The following CLEC16A variants were observed in gnomAD, a reference collection of about 807,000 sequenced individuals.
The protein encoded by CLEC16A is protein CLEC16A.
A neutral mutation model predicts 109.5 loss-of-function variants in CLEC16A; 51 were observed. The observed-to-expected ratio is 0.47, with a 90% CI of 0.37 to 0.59. The LOEUF (loss-of-function observed/expected upper bound fraction) is 0.59, where lower values mean the gene tolerates loss of function less well. CLEC16A is among the 20% of genes least tolerant of loss of function. CLEC16A has a pLI of 0.00. For synonymous variants in CLEC16A, 673 were observed against 564.2 expected, an observed-to-expected ratio of 1.19 and a Z score of -2.73; for missense variants, 1,339 against 1,394.0, an observed-to-expected ratio of 0.96 and a Z score of 0.63.
intron 19 of CLEC16A, among the ~76,000 whole-genome samples, chr16:11,081,799 C>T (rs537629921): frequency 3.9e-5 from 6 of 152,290 alleles, no homozygotes; most frequent in Admixed American, 1.3e-4. Context: ...CGCTGCAGAA[C>T]GCTAGTTCTT....
intron 3 of CLEC16A, among the ~76,000 whole-genome samples, chr16:10,968,716 T>C (rs2042633397): frequency 6.6e-6 from 1 of 152,092 alleles, no homozygotes; most frequent in African/African-American, 2.4e-5. Context: ...TATGCAATCA[T>C]GTTGCTATAT....
intron 19 of CLEC16A, among the ~76,000 whole-genome samples, chr16:11,071,619 A>G (rs1187767294): frequency 2.1e-5 from 3 of 139,782 alleles, no homozygotes; most frequent in African/African-American, 5.5e-5. Flanking sequence ...TTTTTTTTTT[A>G]AGAGATGGGA....
chr16:11,110,340 G>T (rs2051499206), intron 19 of CLEC16A, among the ~76,000 whole-genome samples: 2 of 152,230 alleles, frequency 1.3e-5, no homozygotes, highest in South Asian at 4.1e-4. Context: ...AAGAATGACA[G>T]GCACTGGGAT....
At chr16:11,084,850 G>A (rs933837207) in intron 19 of CLEC16A, among the ~76,000 whole-genome samples, 2 of 152,182 alleles carry the variant, frequency 1.3e-5, no homozygotes, top group African/African-American at 2.4e-5. Flanking sequence ...GAGGTAGCCG[G>A]GGCTGGGTGG....
intron 19 of CLEC16A, among the ~76,000 whole-genome samples, chr16:11,114,863 A>G (rs535345631): frequency 1.3e-5 from 2 of 152,200 alleles, no homozygotes; most frequent in African/African-American, 2.4e-5. Flanking sequence ...ATTTCTCCTT[A>G]ACTGCCCCAC....
intron 19 of CLEC16A, among the ~76,000 whole-genome samples, chr16:11,099,229 G>A (rs766646543): frequency 6.6e-6 from 1 of 152,204 alleles, no homozygotes; most frequent in Non-Finnish European, 1.5e-5. Context: ...ACGGCTCATC[G>A]GCAGACGTGG....
At chr16:11,087,887 G>A (rs2050096426) in intron 19 of CLEC16A, among the ~76,000 whole-genome samples, 1 of 152,222 alleles carries the variant, frequency 6.6e-6, no homozygotes, top group African/African-American at 2.4e-5. Flanking sequence ...CCAGTTTGAG[G>A]CAGGAAGTGT....
At chr16:10,958,300 G>T (rs1165603808) in intron 2 of CLEC16A, among the ~76,000 whole-genome samples, 2 of 152,166 alleles carry the variant, frequency 1.3e-5, no homozygotes, top group African/African-American at 4.8e-5. Flanking sequence ...CAGGCACAGG[G>T]CTGAGCTCCT....
chr16:11,003,327 G>T (rs201116708), intron 11 of CLEC16A, 22 bp downstream of exon 11: 2 of 1,593,522 alleles, frequency 1.3e-6, no homozygotes, highest in Non-Finnish European at 1.7e-6. Flanking sequence ...CATGAACGCC[G>T]CCCTGTGCCT....
intron 19 of CLEC16A, among the ~76,000 whole-genome samples, chr16:11,107,802 G>T (rs2051313512): frequency 6.6e-6 from 1 of 152,226 alleles, no homozygotes; most frequent in Non-Finnish European, 1.5e-5. Flanking sequence ...TTATGCCCCA[G>T]AATGGCTGCT....
intron 23 of CLEC16A, among the ~76,000 whole-genome samples, chr16:11,177,483 A>C (rs1257368295): frequency 6.6e-6 from 1 of 152,034 alleles, no homozygotes; most frequent in African/African-American, 2.4e-5. Context: ...GCCTGTAATC[A>C]CAGCTACTCG....
intron 22 of CLEC16A, among the ~76,000 whole-genome samples, chr16:11,127,180 GT>G (rs968160796): frequency 5.9e-5 from 9 of 152,232 alleles, no homozygotes; most frequent in Admixed American, 2.0e-4. Flanking sequence ...GCATATGTTT[GT>G]TTTTTACACA....
intron 19 of CLEC16A, among the ~76,000 whole-genome samples, chr16:11,086,091 A>G (rs1179552063): frequency 6.6e-6 from 1 of 152,204 alleles, no homozygotes; most frequent in Non-Finnish European, 1.5e-5. Context: ...TTGAAAGTGC[A>G]TTGTTACTGT....
intron 19 of CLEC16A, among the ~76,000 whole-genome samples, chr16:11,094,302 T>G (rs1430876944): frequency 6.6e-6 from 1 of 152,168 alleles, no homozygotes; most frequent in Non-Finnish European, 1.5e-5. Flanking sequence ...GAGGCTTGAC[T>G]CAGAAGCTCT....
chr16:11,179,966 C>G lies in CLEC16A; in HGVS notation c.*1276C>G, dbSNP rs1017794496. On this transcript the variant is annotated 3_prime_UTR_variant, in exon 24 of 24. Transcript: ENST00000409790. ...CAGCTCGGGAGCCAGACACAGCACTCACAGCCCAGGCCGTGATCCACCCTC... is the reference window on the plus strand; with the variant it reads ...CAGCTCGGGAGCCAGACACAGCACTGACAGCCCAGGCCGTGATCCACCCTC... 1 of 153,080 alleles carries G rather than the reference C, an allele frequency of 6.5e-6. No individual in the cohort carries two copies. The highest frequency in any genetic ancestry group is 1.5e-5 in the Non-Finnish European group (1 of 68,740). The allele number at this position is 153,080 out of a possible 1,614,324, so 9.5% of individuals were successfully genotyped here.
intron 17 of CLEC16A, among the ~76,000 whole-genome samples, chr16:11,050,109 G>A (rs925652011): frequency 5.3e-5 from 8 of 152,200 alleles, no homozygotes; most frequent in Admixed American, 2.0e-4. Flanking sequence ...AGCATTTGGC[G>A]ACGGCCTTCT....
At chr16:10,994,298 C>T (rs1254929867) in intron 10 of CLEC16A, among the ~76,000 whole-genome samples, 2 of 152,184 alleles carry the variant, frequency 1.3e-5, no homozygotes, top group Non-Finnish European at 2.9e-5. Context: ...ATTCTTCATG[C>T]ATGTTGGGCT....
At chr16:11,113,338 G>A (rs2051729859) in intron 19 of CLEC16A, among the ~76,000 whole-genome samples, 1 of 152,212 alleles carries the variant, frequency 6.6e-6, no homozygotes, top group African/African-American at 2.4e-5. Context: ...TTTTAAGTGT[G>A]CAAATAACAT....
intron 22 of CLEC16A, among the ~76,000 whole-genome samples, chr16:11,159,984 A>G (rs1375404750): frequency 6.6e-6 from 1 of 152,134 alleles, no homozygotes; most frequent in African/African-American, 2.4e-5. Flanking sequence ...GGGCGAGGTT[A>G]GTGCTTTTGA....
Sources: allele counts gnomAD v4.1 joint callset (sites outside exome capture counted in the v4.1 genomes callset), GRCh38; gene constraint gnomAD v4.1.1; transcripts MANE v1.5; gene names NCBI Gene and HGNC (gene_info 2026-07-23, HGNC 2026-07-21).